The following GPLD1 variants were observed in gnomAD, a reference collection of about 807,000 sequenced individuals.
The protein encoded by GPLD1 is glycosylphosphatidylinositol specific phospholipase D1.
Under a neutral mutation model 112.6 loss-of-function variants are expected in GPLD1, and 84 were observed. The observed-to-expected ratio is 0.75, with a 90% CI of 0.63 to 0.89. The LOEUF is 0.89. GPLD1 is among the 40% of genes least tolerant of loss of function. The pLI is 0.00. For synonymous variants in GPLD1, 386 were observed against 403.8 expected (o/e 0.96, Z 0.53); for missense variants, 1,044 against 1,051.5 (o/e 0.99, Z 0.10).
chr6:24,464,734 C>T (rs937385798), intron 10 of GPLD1, among the ~76,000 whole-genome samples: 3 of 152,154 alleles, frequency 2.0e-5, no homozygotes, highest in East Asian at 3.9e-4. Flanking sequence ...GCACAGGTCC[C>T]GCCCAGAGAA....
At chr6:24,439,659 C>T (rs556683496) in intron 20 of GPLD1, among the ~76,000 whole-genome samples, 44 of 152,232 alleles carry the variant, frequency 2.9e-4, no homozygotes, top group African/African-American at 1.0e-3. Flanking sequence ...AATGGATTAT[C>T]ATACACATTT....
At chr6:24,437,565 G>A (rs143331367) in intron 20 of GPLD1, among the ~76,000 whole-genome samples, 5 of 150,122 alleles carry the variant, frequency 3.3e-5, no homozygotes, top group African/African-American at 5.1e-5. Flanking sequence ...TTATTTTCTC[G>A]TATCACAAAC....
chr6:24,474,894 C>T (rs1763955309), intron 5 of GPLD1, among the ~76,000 whole-genome samples: 1 of 150,728 alleles, frequency 6.6e-6, no homozygotes. Context: ...GAGCCAAGAT[C>T]GCGCCTTCGC....
At chr6:24,480,546 C>T (rs946701164) in intron 2 of GPLD1, among the ~76,000 whole-genome samples, 8 of 152,200 alleles carry the variant, frequency 5.3e-5, no homozygotes, top group African/African-American at 1.9e-4. Flanking sequence ...AAAACGGACA[C>T]ACAAACGCAC....
rs1196525357 is a variant in GPLD1 at position 24,460,309 on chromosome 6, T to C, written c.978A>G (p.Gly326=). The change falls in exon 12 of 25, where the codon GGA becomes GGG. Residue 326 remains glycine, a synonymous_variant. Coordinates refer to ENST00000230036, the MANE Select transcript of GPLD1 (RefSeq NM_001503.4). The part of the protein sequence containing the change: ...VDRNINYTER[G]VFFSVNSWTP... ...TCCAGGAATTTACACTAAAGAACAC[T>C]CCTCTTTCAGTATAGTTTATATTCC... 38 of 1,613,372 alleles carry C rather than the reference T, an allele frequency of 2.4e-5. No individual in the cohort carries two copies. Among genetic ancestry groups the C allele is most frequent in the Non-Finnish European group, 3.1e-5 (37 of 1,179,436 alleles).
At chr6:24,457,219 C>T (rs1322145917) in intron 12 of GPLD1, among the ~76,000 whole-genome samples, 1 of 152,176 alleles carries the variant, frequency 6.6e-6, no homozygotes, top group Non-Finnish European at 1.5e-5. Context: ...GTGGCTCACA[C>T]CTGTAATCCT....
chr6:24,436,655 A>ACATATAC lies in GPLD1; in HGVS notation c.2272_2278dup (p.Val760GlyfsTer5). ...AAGGGTGGTCTCTTTGCCATTATAT[A>ACATATAC]CATATACTCGGCCGTCTTCTCCCCC... On this transcript the variant is annotated frameshift_variant, in exon 22 of 25. Transcript: ENST00000230036. LOFTEE classifies it high-confidence loss of function. The ACATATAC allele has an allele frequency of 6.2e-7, 1 of 1,613,946 alleles. No homozygotes were observed. Among genetic ancestry groups the ACATATAC allele is most frequent in the Non-Finnish European group, 8.5e-7 (1 of 1,179,826 alleles).
At chr6:24,491,670 T>C (rs1764564215), upstream of GPLD1, among the ~76,000 whole-genome samples, 1 of 151,632 alleles carries the variant, frequency 6.6e-6, no homozygotes, top group Non-Finnish European at 1.5e-5. Flanking sequence ...ATCACACCAC[T>C]GCACTCCAGC....
rs376063085 is a variant in GPLD1, at chr6:24,434,313, G to A, written c.2359-924C>T. 1.3e-3 allele frequency among the ~76,000 whole-genome samples: 198 copies of A among 151,868 alleles called. 1 individual carries two copies. Among genetic ancestry groups the A allele is most frequent in the African/African-American group, 4.4e-3 (183 of 41,380 alleles). ...CTCAGGAAGCTGAGGCAGGAGAATC[G>A]CTTGAACCTGGGAGGTGGAGGTTTT... is the stretch of plus-strand genomic sequence containing the variant. On this transcript the variant is annotated intron_variant, in intron 22 of 24. Transcript: ENST00000230036.
rs750221264 is a variant in GPLD1, at chr6:24,486,092, G to A, written c.136C>T (p.Arg46Cys). 1.4e-5 allele frequency: 22 copies of A among 1,593,864 alleles called. No homozygotes were observed. Among genetic ancestry groups the A allele is most frequent in the East Asian group, 8.9e-5 (4 of 44,758 alleles). ...ALEFLQLHNGRVNYRELLLEH... is the reference protein window; with the variant it reads ...ALEFLQLHNGCVNYRELLLEH... ...ATTTCTACCTCTCTGTAGTTAACAC[G>A]CCCATTGTGAAGCTGAAGAAACTCC... is the stretch of plus-strand genomic sequence containing the variant. Residue 46 changes from arginine (R) to cysteine (C), a missense_variant, in exon 2 of 25, where the codon CGT becomes TGT. Arg to Cys is a radical substitution (Grantham distance 180). Coordinates refer to ENST00000230036, the MANE Select transcript of GPLD1 (RefSeq NM_001503.4).
At position 24,453,135 on chromosome 6, in the gene GPLD1, C is replaced by T. The variant is rs774847616; in HGVS notation, c.1335+880G>A. Among the ~76,000 whole-genome samples the T allele has an allele frequency of 2.6e-5, 4 of 152,292 alleles. No individual in the cohort carries two copies. In the East Asian group the frequency reaches 7.7e-4, roughly 29 times the overall value. ...CCACGAGGAACGTTTGTAGTCACTG[C>T]GGGTTTTTTCAGGTGATGAATAACC... On this transcript the variant is annotated intron_variant, in intron 14 of 24. Coordinates refer to ENST00000230036, the MANE Select transcript of GPLD1 (RefSeq NM_001503.4).
At chr6:24,472,780 CTTT>C (rs199628294) in intron 6 of GPLD1, 144 bp from the exon 7 acceptor site, 196 of 494,130 alleles carry the variant, frequency 4.0e-4, no homozygotes, top group Admixed American at 8.2e-4. Flanking sequence ...AAAGGCATGC[CTTT>C]TTTTTTTTTT....
chr6:24,494,594 G>C (rs1197285375), intron 1 of GPLD1, among the ~76,000 whole-genome samples: 1 of 152,168 alleles, frequency 6.6e-6, no homozygotes, highest in Non-Finnish European at 1.5e-5. Flanking sequence ...TGCCGAATTT[G>C]GGGGATGCTA....
At chr6:24,493,857 T>C (rs186278210), upstream of GPLD1, among the ~76,000 whole-genome samples, 64 of 152,316 alleles carry the variant, frequency 4.2e-4, no homozygotes, top group Admixed American at 4.0e-3. Flanking sequence ...CTCTCAACGC[T>C]GTAGGAGTTG....
At chr6:24,448,577 G>A (rs891108886) in intron 15 of GPLD1, among the ~76,000 whole-genome samples, 3 of 152,096 alleles carry the variant, frequency 2.0e-5, no homozygotes, top group African/African-American at 7.2e-5. Flanking sequence ...AGTCCACAAT[G>A]CAGAAATGAT....
intron 20 of GPLD1, among the ~76,000 whole-genome samples, chr6:24,441,895 A>G (rs978591702): frequency 2.6e-5 from 4 of 151,600 alleles, no homozygotes; most frequent in African/African-American, 9.7e-5. Flanking sequence ...AATCTGAACA[A>G]TTTGGGTGAA....
In GPLD1 at chr6:24,489,459, C is replaced by A; in HGVS notation, c.53G>T (p.Cys18Phe). The A allele has an allele frequency of 6.2e-7, 1 of 1,613,970 alleles. No homozygotes were observed. The highest frequency in any genetic ancestry group is 8.5e-7 in the Non-Finnish European group (1 of 1,179,876). The change falls in exon 1 of 25, where the codon TGC becomes TTC. Residue 18 changes from cysteine to phenylalanine, a missense_variant. Transcript: ENST00000230036. ...PGLLIMLGSL[C>F]HRGSPCGLST... ...AAGGCCACACGGTGAACCTCTATGG[C>A]AGAGAGAACCCAACATGATCAGCAG...
In GPLD1 at chr6:24,474,174, TACAC is replaced by T. The variant is rs56324939; in HGVS notation, c.442-511_442-508del. Among the ~76,000 whole-genome samples the T allele has an allele frequency of 6.5e-3, 945 of 145,628 alleles. 7 individuals are homozygous for T. Among genetic ancestry groups the T allele is most frequent in the East Asian group, 0.014 (69 of 4,910 alleles). Reference sequence around the variant, plus strand: ...AACAACAAAAAAAACCACACCCACATACACACACACACACACACACACACACACA... The same window carrying T: ...AACAACAAAAAAAACCACACCCACATACACACACACACACACACACACACA... On this transcript the variant is annotated intron_variant, in intron 5 of 24. Coordinates refer to ENST00000230036, the MANE Select transcript of GPLD1 (RefSeq NM_001503.4).
At chr6:24,446,080 T>C (rs78672897) in intron 18 of GPLD1, among the ~76,000 whole-genome samples, 5,066 of 151,992 alleles carry the variant, frequency 0.033, 82 homozygotes, top group Middle Eastern at 0.082. Flanking sequence ...GGGATAGAGA[T>C]ATAGGGGTAC....
Sources: gnomAD v4.1 joint callset for allele counts (sites outside exome capture counted in the v4.1 genomes callset) on GRCh38, gnomAD v4.1.1 for gene constraint, MANE v1.5 for transcripts, NCBI Gene and HGNC (gene_info 2026-07-23, HGNC 2026-07-21) for gene names.